The following PDE4DIP variants were observed in gnomAD, a reference collection of about 807,000 sequenced individuals.
PDE4DIP encodes phosphodiesterase 4D interacting protein.
In PDE4DIP, 59 loss-of-function variants were observed where a neutral mutation model predicts 221.4. The ratio of observed to expected loss-of-function variants is 0.27; its 90% CI spans 0.22 to 0.33. The LOEUF (loss-of-function observed/expected upper bound fraction) is 0.33. PDE4DIP is among the 10% of genes least tolerant of loss of function. PDE4DIP has a pLI of 1.00. For missense variants in PDE4DIP, 1,036 were observed against 2,154.2 expected (o/e 0.48, Z 10.28); for synonymous variants, 404 against 815.9 (o/e 0.50, Z 8.60).
intron 1 of PDE4DIP, among the ~76,000 whole-genome samples, chr1:148,824,330 T>C (rs1663843): frequency 2.7e-5 from 4 of 150,484 alleles, no homozygotes; most frequent in Admixed American, 6.6e-5. Context: ...GCTTATAACA[T>C]GGTAGCTTAG....
chr1:148,949,091 CTGTAT>C (rs1252058178), intron 5 of PDE4DIP, among the ~76,000 whole-genome samples: 4 of 152,124 alleles, frequency 2.6e-5, no homozygotes, highest in Non-Finnish European at 4.4e-5. Flanking sequence ...CTGGCTAGTA[CTGTAT>C]TGTATTGTAT....
At chr1:148,858,389 G>C (rs1224745358) in intron 1 of PDE4DIP, among the ~76,000 whole-genome samples, 1 of 107,104 alleles carries the variant, frequency 9.3e-6, no homozygotes, top group Non-Finnish European at 1.8e-5. Context: ...CTGAATTTTT[G>C]TTCATAATAA....
At chr1:149,012,718 G>A (rs146498452) in exon 32 of PDE4DIP, 15 of 1,613,484 alleles carry the variant, frequency 9.3e-6, no homozygotes, top group Non-Finnish European at 1.2e-5. Flanking sequence ...AGACACCAGT[G>A]GTCTCCTTGG....
chr1:148,989,453 G>C (rs61809694), intron 21 of PDE4DIP: 1 of 507,408 alleles, frequency 2.0e-6, no homozygotes, highest in East Asian at 1.4e-4. Flanking sequence ...GAATGCAGAC[G>C]TGGCACCAGA....
intron 1 of PDE4DIP, among the ~76,000 whole-genome samples, chr1:148,925,664 C>T (rs2046542361): frequency 6.6e-6 from 1 of 151,984 alleles, no homozygotes; most frequent in African/African-American, 2.4e-5. Flanking sequence ...TCAGCCTGGA[C>T]ATGAAGGGAA....
At chr1:148,950,749 C>A (rs369433171) in intron 5 of PDE4DIP, among the ~76,000 whole-genome samples, 27 of 151,372 alleles carry the variant, frequency 1.8e-4, no homozygotes, top group South Asian at 6.3e-4. Context: ...ATCTGCCCCC[C>A]CCACCGCCCC....
chr1:148,987,442 C>T (rs1320343690), intron 21 of PDE4DIP, among the ~76,000 whole-genome samples: 5 of 152,076 alleles, frequency 3.3e-5, no homozygotes, highest in Non-Finnish European at 5.9e-5. Context: ...TGGTTCATGA[C>T]GTGAAAATGT....
In PDE4DIP at chr1:148,827,244, C is replaced by CTT. The variant is rs67632049; in HGVS notation, c.233+18534_233+18535dup. Among the ~76,000 whole-genome samples the CTT allele has an allele frequency of 9.8e-3, 336 of 34,170 alleles. 5 individuals carry two copies. Among genetic ancestry groups the CTT allele is most frequent in the Non-Finnish European group, 0.012 (204 of 16,622 alleles). The allele number at this position is 34,170 out of a possible 152,430, so 22.4% of individuals were successfully genotyped here. ...GCTGACCTGAAAAGGGTGTTATATT[C>CTT]TTTTTTTTTTTTTTTTTTTTTTTTT... On this transcript the variant is annotated intron_variant, in intron 1 of 45. Coordinates refer to the PDE4DIP transcript ENST00000524974.
intron 4 of PDE4DIP, among the ~76,000 whole-genome samples, chr1:148,937,041 CT>C (rs2049349060): frequency 6.6e-6 from 1 of 152,212 alleles, no homozygotes; most frequent in Non-Finnish European, 1.5e-5. Context: ...GTATTACATA[CT>C]ATACATATGT....
chr1:148,999,606 CATA>C (rs1198809818), intron 23 of PDE4DIP, among the ~76,000 whole-genome samples: 10 of 151,826 alleles, frequency 6.6e-5, no homozygotes, highest in African/African-American at 2.2e-4. Flanking sequence ...TCTGAATTAT[CATA>C]ATAACTTTTT....
chr1:148,888,174 C>T (rs1351256259), upstream of PDE4DIP, among the ~76,000 whole-genome samples: 5 of 151,916 alleles, frequency 3.3e-5, no homozygotes, highest in Non-Finnish European at 7.4e-5. Flanking sequence ...TAGGAAATAT[C>T]AGAGGACATC....
Position 148,864,384 on chromosome 1 carries a change from T to C in PDE4DIP, c.289+1079T>C, listed in dbSNP as rs1685677533. Among the ~76,000 whole-genome samples the C allele has an allele frequency of 4.3e-5, 6 of 140,816 alleles. No homozygotes were observed. In the South Asian group the frequency reaches 1.3e-3, roughly 31 times the overall value. The allele number at this position is 140,816 out of a possible 152,430, so 92.4% of individuals were successfully genotyped here. ...TCTGTATCTTATCTATTGTTACTAT[T>C]AATGTATTCCTAACAACAGCACAAT... On this transcript the variant is annotated intron_variant, in intron 2 of 45. Coordinates refer to the PDE4DIP transcript ENST00000524974.
chr1:148,985,852 T>C (rs1553549087), intron 21 of PDE4DIP: 1 of 151,822 alleles, frequency 6.6e-6, no homozygotes. Context: ...AGAATAGGGG[T>C]TTTAAGTACA....
chr1:149,015,123 G>A (rs1553609384), intron 32 of PDE4DIP, among the ~76,000 whole-genome samples: 1 of 152,024 alleles, frequency 6.6e-6, no homozygotes, highest in Non-Finnish European at 1.5e-5. Flanking sequence ...TTGCAAATTA[G>A]AAGAGAGACT....
chr1:148,893,101 GTA>G (rs1202815286), intron 1 of PDE4DIP, among the ~76,000 whole-genome samples: 175 of 114,316 alleles, frequency 1.5e-3, no homozygotes, highest in African/African-American at 5.8e-3. Flanking sequence ...GTGTGTGTGT[GTA>G]TGTATTTTTT....
intron 1 of PDE4DIP, among the ~76,000 whole-genome samples, chr1:148,838,604 T>A (rs1674182172): frequency 9.1e-6 from 1 of 110,340 alleles, no homozygotes; most frequent in Non-Finnish European, 2.0e-5. Flanking sequence ...TGCCTCTTTA[T>A]AATTCCTCTA....
At chr1:148,859,588 G>A (rs1553398575) in intron 1 of PDE4DIP, among the ~76,000 whole-genome samples, 1 of 152,084 alleles carries the variant, frequency 6.6e-6, no homozygotes, top group Admixed American at 6.5e-5. Context: ...TTAAGTGAAA[G>A]CATCATGGGA....
At chr1:148,919,587 T>C (rs1188959814) in intron 1 of PDE4DIP, among the ~76,000 whole-genome samples, 2 of 151,836 alleles carry the variant, frequency 1.3e-5, no homozygotes, top group East Asian at 1.9e-4. Context: ...CCTTGCCCCA[T>C]TGATGTCAGA....
chr1:148,982,129 A>G (rs1369208147), intron 21 of PDE4DIP: 1 of 152,310 alleles, frequency 6.6e-6, no homozygotes, highest in Non-Finnish European at 1.5e-5. Flanking sequence ...AAGTGAAATT[A>G]GATTAGGTAC....
Sources: allele counts gnomAD v4.1 joint callset (sites outside exome capture counted in the v4.1 genomes callset), GRCh38; gene constraint gnomAD v4.1.1; transcripts MANE v1.5; gene names NCBI Gene and HGNC (gene_info 2026-07-23, HGNC 2026-07-21).